COL23A1: variants seen among roughly 807,000 people sequenced by gnomAD.
COL23A1 encodes collagen alpha-1(XXIII) chain.
A neutral mutation model predicts 99.3 loss-of-function variants in COL23A1; 97 were observed. That is an observed-to-expected ratio of 0.98 (90% CI 0.83 to 1.16). The LOEUF is 1.16. Among genes scored for constraint, COL23A1 ranks in the 50% most tolerant of loss-of-function variants. The pLI, the probability that COL23A1 is intolerant of heterozygous loss-of-function variation, is 0.00. For synonymous variants in COL23A1, 320 were observed against 308.2 expected, an observed-to-expected ratio of 1.04 and a Z score of -0.40; for missense variants, 762 against 757.4, an observed-to-expected ratio of 1.01 and a Z score of -0.07.
chr5:178,254,857 TAA>T, intron 16 of COL23A1, 90 bp downstream of exon 16: 2 of 1,145,640 alleles, frequency 1.7e-6, no homozygotes, highest in Non-Finnish European at 2.6e-6. Flanking sequence ...GTCCCTTGTG[TAA>T]AAAAGTGCAG....
At position 178,340,399 on chromosome 5, in the gene COL23A1, C is replaced by T. The variant is rs1016221918; in HGVS notation, c.362-33480G>A. ...AAAAGCTGGTCTCCTTGGCAATTAACGTTCACTTCTGCTTTTGCCTTAGAT... is the reference window on the plus strand; with the variant it reads ...AAAAGCTGGTCTCCTTGGCAATTAATGTTCACTTCTGCTTTTGCCTTAGAT... On this transcript the variant is annotated intron_variant, in intron 2 of 28. Coordinates refer to ENST00000390654, the MANE Select transcript of COL23A1 (RefSeq NM_173465.4). This position sits in a 1 kb window ranked among gnomAD's most constrained non-coding sequence, Gnocchi z 4.7. 1.3e-5 allele frequency among the ~76,000 whole-genome samples: 2 copies of T among 152,188 alleles called. No homozygotes were observed. Among genetic ancestry groups the T allele is most frequent in the African/African-American group, 2.4e-5 (1 of 41,446 alleles).
chr5:178,324,128 G>A (rs1198067264), intron 2 of COL23A1, among the ~76,000 whole-genome samples: 1 of 152,052 alleles, frequency 6.6e-6, no homozygotes, highest in Non-Finnish European at 1.5e-5. Context: ...GGGTGTGGGT[G>A]GGCTGAGGCC....
At chr5:178,484,776 C>G (rs1478378243) in intron 2 of COL23A1, among the ~76,000 whole-genome samples, 2 of 139,436 alleles carry the variant, frequency 1.4e-5, no homozygotes, top group African/African-American at 5.5e-5. Context: ...GAGCTGAGAT[C>G]GCGCCACTGT....
chr5:178,441,011 A>G (rs1766836255), intron 2 of COL23A1, among the ~76,000 whole-genome samples: 1 of 152,208 alleles, frequency 6.6e-6, no homozygotes, highest in Non-Finnish European at 1.5e-5. Context: ...GAAAGTTACG[A>G]AACAGATTTC....
Position 178,589,875 on chromosome 5 carries a change from C to A in COL23A1, c.294+29G>T. The stretch of plus-strand genomic sequence containing the variant: ...CACCCTCAACCCGACACACCCAAGT[C>A]CGCCCCAGCCACGCGCCAAGACGCT... On this transcript the variant is annotated intron_variant, in intron 1 of 28. Coordinates refer to ENST00000390654, the MANE Select transcript of COL23A1 (RefSeq NM_173465.4). This position sits in a 1 kb window ranked among gnomAD's most constrained non-coding sequence, Gnocchi z 5.4. The A allele has an allele frequency of 7.0e-6, 9 of 1,291,532 alleles. No homozygotes were observed. The highest frequency in any genetic ancestry group is 2.4e-5 in the South Asian group (1 of 42,514). The allele number at this position is 1,291,532 out of a possible 1,614,324, so 80.0% of individuals were successfully genotyped here. A position where few individuals can be genotyped will look rare whatever the true frequency, so the allele number is the denominator to read the frequency against.
intron 2 of COL23A1, among the ~76,000 whole-genome samples, chr5:178,432,625 G>A (rs1766325930): frequency 6.6e-6 from 1 of 152,138 alleles, no homozygotes; most frequent in African/African-American, 2.4e-5. Context: ...ACTGAGCGAG[G>A]CCTCAGTCAC....
At chr5:178,478,653 T>G (rs897524923) in intron 2 of COL23A1, among the ~76,000 whole-genome samples, 1 of 151,756 alleles carries the variant, frequency 6.6e-6, no homozygotes, top group Non-Finnish European at 1.5e-5. Flanking sequence ...ACAGAGAGAG[T>G]GTCTGGAGAA....
At chr5:178,575,014 A>C (rs1381601715) in intron 1 of COL23A1, among the ~76,000 whole-genome samples, 1 of 152,208 alleles carries the variant, frequency 6.6e-6, no homozygotes, top group Non-Finnish European at 1.5e-5. Flanking sequence ...TTTATGTGTC[A>C]GTCGCTTTTT....
At chr5:178,559,669 T>C (rs796798300) in intron 2 of COL23A1, among the ~76,000 whole-genome samples, 1,196 of 42,204 alleles carry the variant, frequency 0.028, 1 homozygote, top group Middle Eastern at 0.052. Flanking sequence ...AGACACATCA[T>C]CCAAAAGTCA....
intron 5 of COL23A1, among the ~76,000 whole-genome samples, chr5:178,271,758 G>A (rs978553033): frequency 6.6e-6 from 1 of 152,236 alleles, no homozygotes; most frequent in African/African-American, 2.4e-5. Flanking sequence ...TAGCCGGCAG[G>A]GCGCATTGTG....
rs1236566818 is a variant in COL23A1, at chr5:178,365,916, G to A, written c.362-58997C>T. Among the ~76,000 whole-genome samples, 1 of 152,054 alleles carries A rather than the reference G, an allele frequency of 6.6e-6. No individual in the cohort carries two copies. Among genetic ancestry groups the A allele is most frequent in the Non-Finnish European group, 1.5e-5 (1 of 68,006 alleles). On this transcript the variant is annotated intron_variant, in intron 2 of 28. Transcript: ENST00000390654. The surrounding 1 kb of genome is among the most constrained non-coding windows in gnomAD (Gnocchi z 5.2). Reference sequence around the variant, plus strand: ...TGGAGTCAGTGAACACAGCAGGAAGGGGGGATGGTCAAGCGCACCACAGGC... The same window carrying A: ...TGGAGTCAGTGAACACAGCAGGAAGAGGGGATGGTCAAGCGCACCACAGGC...
intron 2 of COL23A1, among the ~76,000 whole-genome samples, chr5:178,476,194 G>A (rs1757016909): frequency 6.6e-6 from 1 of 152,058 alleles, no homozygotes; most frequent in Non-Finnish European, 1.5e-5. Flanking sequence ...ACAAATAATA[G>A]GCGTCATAAT....
Position 178,270,359 on chromosome 5 carries a change from G to C in COL23A1, c.446C>G (p.Pro149Arg). 3 of 1,613,900 alleles carry C rather than the reference G, an allele frequency of 1.9e-6. No individual in the cohort carries two copies. The highest frequency in any genetic ancestry group is 2.5e-6 in the Non-Finnish European group (3 of 1,179,970). Residue 149 changes from proline (P) to arginine (R), a missense_variant, in exon 6 of 29, where the codon CCC becomes CGC. Coordinates refer to ENST00000390654, the MANE Select transcript of COL23A1 (RefSeq NM_173465.4). ...TACGGGCTTGCCATCCAAACCCAGG[G>C]GTCCCTGGAAAACGAGAGAGAGAGA... Reference protein sequence around the residue: ...GQSGRDGYPGPLGLDGKPGLP... With the variant: ...GQSGRDGYPGRLGLDGKPGLP...
chr5:178,509,240 G>A (rs531332), intron 2 of COL23A1, among the ~76,000 whole-genome samples: 88,125 of 146,248 alleles, frequency 0.6, 26,729 homozygotes, highest in East Asian at 0.88. Context: ...TGTTTTTCTC[G>A]AGACAGAGTC....
intron 2 of COL23A1, among the ~76,000 whole-genome samples, chr5:178,449,920 T>TA (rs1480108371): frequency 6.6e-6 from 1 of 152,036 alleles, no homozygotes; most frequent in Admixed American, 6.5e-5. Flanking sequence ...CTGCTGACCG[T>TA]ATACCCGGCG....
At position 178,590,366 on chromosome 5, in the gene COL23A1, C is replaced by T. The variant is rs1273330515; in HGVS notation, c.-169G>A. The T allele has an allele frequency of 2.0e-6, 1 of 493,916 alleles. No individual in the cohort carries two copies. Among genetic ancestry groups the T allele is most frequent in the East Asian group, 4.8e-5 (1 of 20,642 alleles). 30.6% of individuals were successfully genotyped at this position (493,916 alleles called of 1,614,324 possible). ...CACGCCCCCTTCGCCGCAGCCAGCTCCTCCACAGCGGCCACTTTGGGCAGT... is the reference window on the plus strand; with the variant it reads ...CACGCCCCCTTCGCCGCAGCCAGCTTCTCCACAGCGGCCACTTTGGGCAGT... On this transcript the variant is annotated 5_prime_UTR_variant, in exon 1 of 29. Coordinates refer to ENST00000390654, the MANE Select transcript of COL23A1 (RefSeq NM_173465.4). The surrounding 1 kb of genome is among the most constrained non-coding windows in gnomAD (Gnocchi z 5.7).
chr5:178,303,849 C>T (rs979448164), intron 3 of COL23A1, among the ~76,000 whole-genome samples: 2 of 152,198 alleles, frequency 1.3e-5, no homozygotes, highest in Non-Finnish European at 2.9e-5. Context: ...ACCAGGCCAA[C>T]ACCTCAGGTG....
intron 2 of COL23A1, among the ~76,000 whole-genome samples, chr5:178,388,451 A>G (rs1030212233): frequency 2.0e-5 from 3 of 152,190 alleles, no homozygotes; most frequent in Non-Finnish European, 2.9e-5. Context: ...TAAGCAAGTG[A>G]CTTACATTTA....
Position 178,255,857 on chromosome 5 carries a change from G to A in COL23A1, c.882+496C>T, listed in dbSNP as rs756001481. The A allele has an allele frequency of 4.9e-6, 2 of 411,110 alleles. No individual in the cohort carries two copies. Among genetic ancestry groups the A allele is most frequent in the African/African-American group, 4.2e-5 (2 of 47,954 alleles). 25.5% of individuals were successfully genotyped at this position (411,110 alleles called of 1,614,324 possible). A position where few individuals can be genotyped will look rare whatever the true frequency, so the allele number is the denominator to read the frequency against. Reference sequence around the variant, plus strand: ...AAGCCAGCCTCTGGGAGCATGAGGAGACAGAGCCGAGGCCAGGATCCCGGA... The same window carrying A: ...AAGCCAGCCTCTGGGAGCATGAGGAAACAGAGCCGAGGCCAGGATCCCGGA... On this transcript the variant is annotated intron_variant, in intron 15 of 28. Transcript: ENST00000390654. The surrounding 1 kb of genome is among the most constrained non-coding windows in gnomAD (Gnocchi z 4.2).
Sources: gnomAD v4.1 joint callset for allele counts (sites outside exome capture counted in the v4.1 genomes callset) on GRCh38, gnomAD v4.1.1 for gene constraint, Gnocchi (gnomAD v3.1) non-coding constraint, MANE v1.5 for transcripts, NCBI Gene and HGNC (gene_info 2026-07-23, HGNC 2026-07-21) for gene names.